EFCAB6: variants seen among roughly 807,000 people sequenced by gnomAD.
EFCAB6 encodes EF-hand calcium binding domain 6, also known as EF-hand calcium-binding domain-containing protein 6.
A neutral mutation model predicts 169.8 loss-of-function variants in EFCAB6; 156 were observed. That is an observed-to-expected ratio of 0.92 (90% CI 0.81 to 1.05). The LOEUF (loss-of-function observed/expected upper bound fraction) is 1.05. EFCAB6 is among the 50% of genes least tolerant of loss of function. The probability of loss-of-function intolerance (pLI) is 0.00; values close to 1 mark genes in which losing one functional copy is unlikely to be tolerated. For synonymous variants in EFCAB6, 698 were observed against 676.4 expected, an observed-to-expected ratio of 1.03 and a Z score of -0.50; for missense variants, 1,800 against 1,829.1, an observed-to-expected ratio of 0.98 and a Z score of 0.29.
chr22:43,593,838 G>C (rs2051759544), intron 23 of EFCAB6, among the ~76,000 whole-genome samples: 1 of 152,204 alleles, frequency 6.6e-6, no homozygotes. Context: ...CTAAGACAGA[G>C]CTATAGAGCA....
intron 18 of EFCAB6, among the ~76,000 whole-genome samples, chr22:43,633,318 G>T (rs1044261482): frequency 6.6e-6 from 1 of 152,240 alleles, no homozygotes; most frequent in Non-Finnish European, 1.5e-5. Context: ...GGGAGGCCAA[G>T]GTGGGCGGAT....
At chr22:43,639,815 C>T (rs1602843760) in intron 17 of EFCAB6, among the ~76,000 whole-genome samples, 1 of 151,940 alleles carries the variant, frequency 6.6e-6, no homozygotes. Flanking sequence ...TTGTGAGACA[C>T]TATTCTCTCT....
intron 28 of EFCAB6, among the ~76,000 whole-genome samples, chr22:43,538,218 T>G (rs1422974709): frequency 6.6e-6 from 1 of 152,078 alleles, no homozygotes; most frequent in African/African-American, 2.4e-5. Context: ...AAGTCTTCCT[T>G]GACTCTCCCT....
rs1244497996 is a variant in EFCAB6 at position 43,703,121 on chromosome 22, G to A, written c.1031+8354C>T. On this transcript the variant is annotated intron_variant, in intron 10 of 31. Transcript: ENST00000262726. ...TGCAACCCTGTCCAACTGTTGAACT[G>A]AAATAGCAGTACCACATGGCCAGGA... is the stretch of plus-strand genomic sequence containing the variant. 2.0e-5 allele frequency among the ~76,000 whole-genome samples: 3 copies of A among 152,150 alleles called. 1 individual carries two copies. The highest frequency in any genetic ancestry group is 4.4e-5 in the Non-Finnish European group (3 of 68,022).
intron 2 of EFCAB6, among the ~76,000 whole-genome samples, chr22:43,791,881 T>C (rs573713527): frequency 1.3e-5 from 2 of 152,278 alleles, no homozygotes; most frequent in South Asian, 2.1e-4. Context: ...ATCAGCAGCA[T>C]GTCTGAACAC....
At chr22:43,682,634 ATCTGGGTAGCC>A (rs2058049538) in intron 12 of EFCAB6, among the ~76,000 whole-genome samples, 1 of 152,112 alleles carries the variant, frequency 6.6e-6, no homozygotes, top group Non-Finnish European at 1.5e-5. Flanking sequence ...CAAAACCACT[ATCTGGGTAGCC>A]TCAGGCGGGT....
intron 21 of EFCAB6, among the ~76,000 whole-genome samples, chr22:43,609,177 G>A (rs956537191): frequency 8.5e-5 from 13 of 152,174 alleles, no homozygotes; most frequent in Non-Finnish European, 1.3e-4. Context: ...AACATGATGA[G>A]GTGGATATAA....
At chr22:43,778,761 C>T (rs2061717334) in intron 3 of EFCAB6, among the ~76,000 whole-genome samples, 1 of 152,216 alleles carries the variant, frequency 6.6e-6, no homozygotes, top group South Asian at 2.1e-4. Flanking sequence ...AGTCAAGGCA[C>T]AGCTTACCTG....
intron 19 of EFCAB6, among the ~76,000 whole-genome samples, chr22:43,631,310 C>T (rs2054924750): frequency 6.6e-6 from 1 of 151,952 alleles, no homozygotes; most frequent in African/African-American, 2.4e-5. Flanking sequence ...CTTCTCATCA[C>T]AAAAAGAGCT....
At chr22:43,675,025 C>T (rs2057662381) in intron 13 of EFCAB6, among the ~76,000 whole-genome samples, 1 of 151,934 alleles carries the variant, frequency 6.6e-6, no homozygotes, top group South Asian at 2.1e-4. Flanking sequence ...CACGCATCTA[C>T]TACCTATGCA....
At chr22:43,605,541 G>A (rs903675407) in intron 22 of EFCAB6, among the ~76,000 whole-genome samples, 1 of 152,242 alleles carries the variant, frequency 6.6e-6, no homozygotes, top group African/African-American at 2.4e-5. Context: ...TACTTGGGAG[G>A]CTGAGACAGG....
intron 31 of EFCAB6, 84 bp downstream of exon 31, chr22:43,530,731 A>G: frequency 6.3e-7 from 1 of 1,585,230 alleles, no homozygotes; most frequent in South Asian, 1.2e-5. Flanking sequence ...GGCAGCAGGT[A>G]GAGGGCTCCC....
intron 23 of EFCAB6, 101 bp from the exon 24 acceptor site, chr22:43,590,330 C>A: frequency 7.3e-7 from 1 of 1,373,250 alleles, no homozygotes; most frequent in South Asian, 1.6e-5. Context: ...GAGCTGATGG[C>A]TCATCTAAGA....
At chr22:43,794,121 G>A (rs531727056) in intron 2 of EFCAB6, among the ~76,000 whole-genome samples, 1 of 152,230 alleles carries the variant, frequency 6.6e-6, no homozygotes, top group African/African-American at 2.4e-5. Flanking sequence ...CAGTGCTTTA[G>A]AAGAACCTGA....
intron 7 of EFCAB6, 82 bp from the exon 8 acceptor site, chr22:43,731,893 C>A: frequency 2.9e-6 from 2 of 691,588 alleles, no homozygotes; most frequent in Non-Finnish European, 2.2e-6. Flanking sequence ...CCTTTACACT[C>A]GGGCTGGCAT....
chr22:43,638,960 T>C (rs1299271825), intron 17 of EFCAB6, among the ~76,000 whole-genome samples: 1 of 152,024 alleles, frequency 6.6e-6, no homozygotes, highest in East Asian at 1.9e-4. Flanking sequence ...TAATTTTATA[T>C]TTTTAGTAGA....
chr22:43,763,273 A>G (rs992613998), intron 5 of EFCAB6, among the ~76,000 whole-genome samples: 1 of 152,138 alleles, frequency 6.6e-6, no homozygotes. Flanking sequence ...TCCTGACCTC[A>G]GGTGATCTGC....
In EFCAB6 at chr22:43,766,663, C is replaced by T. The variant is rs1179122041; in HGVS notation, c.352-1270G>A. ...CCGAGAGCTTGGGACTACAGGTGTTCACCACCACACCCGGCTGATTTTTGT... is the reference window on the plus strand; with the variant it reads ...CCGAGAGCTTGGGACTACAGGTGTTTACCACCACACCCGGCTGATTTTTGT... On this transcript the variant is annotated intron_variant, in intron 4 of 31. Coordinates refer to ENST00000262726, the MANE Select transcript of EFCAB6 (RefSeq NM_022785.4). Among the ~76,000 whole-genome samples the T allele has an allele frequency of 2.3e-4, 35 of 151,890 alleles. 1 individual carries two copies. Among genetic ancestry groups the T allele is most frequent in the Non-Finnish European group, 5.1e-4 (35 of 67,980 alleles).
intron 17 of EFCAB6, among the ~76,000 whole-genome samples, chr22:43,635,986 G>A (rs2055362171): frequency 6.6e-6 from 1 of 152,240 alleles, no homozygotes; most frequent in South Asian, 2.1e-4. Flanking sequence ...TGGGTGGATA[G>A]AGGCAGATGG....
Sources: allele counts gnomAD v4.1 joint callset (sites outside exome capture counted in the v4.1 genomes callset), GRCh38; gene constraint gnomAD v4.1.1; transcripts MANE v1.5; gene names NCBI Gene and HGNC (gene_info 2026-07-23, HGNC 2026-07-21).